The following CLIP2 variants were observed in gnomAD, a reference collection of about 807,000 sequenced individuals.
CLIP2 encodes CAP-Gly domain-containing linker protein 2.
A neutral mutation model predicts 111.7 loss-of-function variants in CLIP2; 41 were observed. That is an observed-to-expected ratio of 0.37 (90% CI 0.29 to 0.48). The LOEUF (loss-of-function observed/expected upper bound fraction) is 0.48. Ranked by LOEUF, CLIP2 falls within the 20% of genes least tolerant of loss-of-function variation. The probability of loss-of-function intolerance (pLI) is 0.99; values close to 1 mark genes in which losing one functional copy is unlikely to be tolerated. For missense variants in CLIP2, 1,160 were observed against 1,422.1 expected (o/e 0.82, Z 2.96); for synonymous variants, 660 against 644.2 (o/e 1.02, Z -0.37).
intron 2 of CLIP2, among the ~76,000 whole-genome samples, chr7:74,328,556 G>T (rs1286758048): frequency 6.6e-6 from 1 of 152,088 alleles, no homozygotes; most frequent in Non-Finnish European, 1.5e-5. Context: ...GGGGAACAGA[G>T]CCCCATGGGG....
chr7:74,390,582 T>C (rs1156984531), intron 13 of CLIP2, among the ~76,000 whole-genome samples: 2 of 151,940 alleles, frequency 1.3e-5, no homozygotes, highest in African/African-American at 4.8e-5. Flanking sequence ...GGTGGGAGGA[T>C]CACCTTAGGT....
intron 9 of CLIP2, among the ~76,000 whole-genome samples, chr7:74,375,546 CA>C (rs34885959): frequency 0.081 from 2,663 of 33,056 alleles, 14 homozygotes; most frequent in East Asian, 0.26. Flanking sequence ...GAGCGAGACT[CA>C]AAAAAAAAAA....
At chr7:74,293,650 G>A (rs945957467) in intron 1 of CLIP2, among the ~76,000 whole-genome samples, 7 of 152,190 alleles carry the variant, frequency 4.6e-5, no homozygotes, top group African/African-American at 1.7e-4. Flanking sequence ...CAGCAAATCT[G>A]GGCATTCAGG....
At chr7:74,325,660 C>T (rs1789087790) in intron 2 of CLIP2, among the ~76,000 whole-genome samples, 1 of 151,828 alleles carries the variant, frequency 6.6e-6, no homozygotes. Flanking sequence ...GGTGAATCCT[C>T]GTCTCTACTA....
chr7:74,371,129 AGTTACTCGGGAGGCT>A (rs1453669596), intron 8 of CLIP2, among the ~76,000 whole-genome samples: 12 of 150,624 alleles, frequency 8.0e-5, no homozygotes, highest in South Asian at 2.1e-4. Context: ...CTGTAATCCC[AGTTACTCGGGAGGCT>A]GAGGCTGGAG....
In CLIP2 at chr7:74,353,221, C is replaced by T. The variant is rs570044825; in HGVS notation, c.679-659C>T. Among the ~76,000 whole-genome samples, 17 of 150,274 alleles carry T rather than the reference C, an allele frequency of 1.1e-4. No individual in the cohort carries two copies. In the South Asian group the frequency reaches 1.5e-3, roughly 13 times the overall value. On this transcript the variant is annotated intron_variant, in intron 3 of 16. Coordinates refer to ENST00000223398, the MANE Select transcript of CLIP2 (RefSeq NM_003388.5). ...TGAAGCTCTAGTATATACTAGACAC[C>T]GTATATACAGTACTTAATTCTCACG...
chr7:74,397,657 G>GTTGTT (rs1791493506), intron 14 of CLIP2, among the ~76,000 whole-genome samples: 2 of 113,452 alleles, frequency 1.8e-5, no homozygotes, highest in African/African-American at 7.3e-5. Flanking sequence ...GGGTGGCTGA[G>GTTGTT]TTTTTTTTGT....
rs1554732805 is a variant in CLIP2 at position 74,338,913 on chromosome 7, T to G, written c.587T>G (p.Val196Gly). Residue 196 changes from valine (V) to glycine (G), a missense_variant, in exon 3 of 17, where the codon GTG becomes GGG. Transcript: ENST00000223398. This position sits in a 1 kb window ranked among gnomAD's most constrained non-coding sequence, Gnocchi z 4.3. Reference protein sequence around the residue: ...PLRESVLNSSVKTGNESGSNL... With the variant: ...PLRESVLNSSGKTGNESGSNL... ...CGGGAGAGCGTCCTCAACAGCTCCG[T>G]GAAGACTGGCAACGAGTCGGGATCC... 6.2e-7 allele frequency: 1 copy of G among 1,603,352 alleles called. No homozygotes were observed. Among genetic ancestry groups the G allele is most frequent in the East Asian group, 2.2e-5 (1 of 44,882 alleles).
intron 2 of CLIP2, among the ~76,000 whole-genome samples, chr7:74,330,248 C>CTTTTTTTTTT (rs10635770): frequency 1.9e-3 from 265 of 135,990 alleles, no homozygotes; most frequent in Middle Eastern, 7.9e-3. Flanking sequence ...TGTTTCTTTT[C>CTTTTTTTTTT]TTTTTTTTTT....
At chr7:74,379,684 A>G (rs1554313574) in intron 10 of CLIP2, among the ~76,000 whole-genome samples, 1 of 151,574 alleles carries the variant, frequency 6.6e-6, no homozygotes, top group Non-Finnish European at 1.5e-5. Flanking sequence ...GAATCGCTTC[A>G]GAGTCCTGGA....
At chr7:74,371,451 T>C (rs782298362) in intron 8 of CLIP2, among the ~76,000 whole-genome samples, 13 of 149,366 alleles carry the variant, frequency 8.7e-5, no homozygotes, top group Non-Finnish European at 1.0e-4. Context: ...GGATGGAGCT[T>C]GTGATTTTCT....
At chr7:74,371,019 G>A (rs1790601070) in intron 8 of CLIP2, among the ~76,000 whole-genome samples, 1 of 151,976 alleles carries the variant, frequency 6.6e-6, no homozygotes, top group South Asian at 2.1e-4. Flanking sequence ...AGGCTGAGGT[G>A]GGCAGATCAC....
chr7:74,371,268 G>A (rs944912694), intron 8 of CLIP2, among the ~76,000 whole-genome samples: 87 of 118,732 alleles, frequency 7.3e-4, no homozygotes, highest in African/African-American at 2.2e-3. Flanking sequence ...AAAAAAAAAG[G>A]TTGAGGGGAG....
At chr7:74,383,087 A>C (rs1259263365) in intron 11 of CLIP2, among the ~76,000 whole-genome samples, 1 of 151,816 alleles carries the variant, frequency 6.6e-6, no homozygotes, top group African/African-American at 2.4e-5. Context: ...CACCAAAAAA[A>C]AAAAAAAAAA....
intron 2 of CLIP2, among the ~76,000 whole-genome samples, chr7:74,319,605 C>G (rs373875586): frequency 6.7e-5 from 10 of 149,934 alleles, no homozygotes; most frequent in African/African-American, 2.2e-4. Context: ...ATCACTTGAG[C>G]CTAGGAGTTC....
Position 74,389,129 on chromosome 7 carries a change from G to T in CLIP2, c.2590G>T (p.Glu864Ter). Residue 864 changes from glutamate to a stop codon, truncating the protein, a stop_gained, in exon 13 of 17, where the codon GAG (glutamate) becomes TAG (stop). Coordinates refer to ENST00000223398, the MANE Select transcript of CLIP2 (RefSeq NM_003388.5). LOFTEE classifies it high-confidence loss of function. ...SALESKCKSG[E>*]KKVDALLKEK... ...GCTGGAGAGCAAGTGTAAGTCAGGC[G>T]AGAAGAAGGTGGACGCCCTCCTGAA... 3 of 1,612,930 alleles carry T rather than the reference G, an allele frequency of 1.9e-6. No individual in the cohort carries two copies. The highest frequency in any genetic ancestry group is 2.5e-6 in the Non-Finnish European group (3 of 1,179,698).
At chr7:74,398,133 C>T (rs1554317020) in intron 14 of CLIP2, among the ~76,000 whole-genome samples, 1 of 151,374 alleles carries the variant, frequency 6.6e-6, no homozygotes, top group Admixed American at 6.6e-5. Flanking sequence ...CTGAGGCAGG[C>T]GGATCACTTG....
intron 14 of CLIP2, among the ~76,000 whole-genome samples, chr7:74,400,136 C>T (rs1428717466): frequency 2.0e-4 from 27 of 135,180 alleles, no homozygotes; most frequent in African/African-American, 6.4e-4. Flanking sequence ...GGTGATAGAG[C>T]GAGACTCTGT....
At position 74,331,205 on chromosome 7, in the gene CLIP2, C is replaced by CA. The variant is rs58844348; in HGVS notation, c.122-7213dup. ...TGAGCGACAGAGTGAGACTCCATCTCAAAAAAAAAAAAAAAAAAAAAAAAA... is the reference window on the plus strand; with the variant it reads ...TGAGCGACAGAGTGAGACTCCATCTCAAAAAAAAAAAAAAAAAAAAAAAAAA... On this transcript the variant is annotated intron_variant, in intron 2 of 16. Transcript: ENST00000223398. 9.4e-3 allele frequency among the ~76,000 whole-genome samples: 562 copies of CA among 59,938 alleles called. 18 individuals are homozygous for CA. The highest frequency in any genetic ancestry group is 0.011 in the Middle Eastern group (1 of 90). The allele number at this position is 59,938 out of a possible 152,430, so 39.3% of individuals were successfully genotyped here.
Sources: allele counts gnomAD v4.1 joint callset (sites outside exome capture counted in the v4.1 genomes callset), GRCh38; gene constraint gnomAD v4.1.1; non-coding constraint Gnocchi (gnomAD v3.1); transcripts MANE v1.5; gene names NCBI Gene and HGNC (gene_info 2026-07-23, HGNC 2026-07-21).